The following CRBN variants were observed in gnomAD, a reference collection of about 807,000 sequenced individuals.
CRBN encodes protein cereblon.
A neutral mutation model predicts 62.2 loss-of-function variants in CRBN; 53 were observed. The observed-to-expected ratio is 0.85, with a 90% CI of 0.68 to 1.07. The LOEUF is 1.07. CRBN is among the 50% of genes least tolerant of loss of function. The pLI, the probability that CRBN is intolerant of heterozygous loss-of-function variation, is 0.00. For synonymous variants in CRBN, 208 were observed against 176.1 expected (o/e 1.18, Z -1.43); for missense variants, 616 against 531.1 (o/e 1.16, Z -1.57).
At chr3:3,178,212 T>G (rs1172510178) in intron 1 of CRBN, among the ~76,000 whole-genome samples, 1 of 152,124 alleles carries the variant, frequency 6.6e-6, no homozygotes, top group African/African-American at 2.4e-5. Flanking sequence ...TAGCTCAGCT[T>G]TCCATCAAAG....
At chr3:3,157,664 G>T (rs939406897) in intron 5 of CRBN, among the ~76,000 whole-genome samples, 1 of 152,206 alleles carries the variant, frequency 6.6e-6, no homozygotes, top group East Asian at 1.9e-4. Flanking sequence ...AGGGACTCGG[G>T]ACTGAGCTGA....
chr3:3,171,512 A>C (rs1433360127), intron 4 of CRBN, among the ~76,000 whole-genome samples: 1 of 152,146 alleles, frequency 6.6e-6, no homozygotes, highest in African/African-American at 2.4e-5. Context: ...GGAGACGTAC[A>C]TAAAATCCTG....
chr3:3,173,781 A>C, intron 3 of CRBN: 1 of 455,502 alleles, frequency 2.2e-6, no homozygotes. Flanking sequence ...CTAAGATTCC[A>C]GAAATGTTTT....
At chr3:3,153,772 A>G in intron 8 of CRBN, 188 bp downstream of exon 8, 1 of 629,616 alleles carries the variant, frequency 1.6e-6, no homozygotes, top group Non-Finnish European at 2.9e-6. Flanking sequence ...ATTTTTCACT[A>G]AGTTGATAAA....
At chr3:3,152,427 A>G in intron 10 of CRBN, 29 bp downstream of exon 10, 2 of 1,602,312 alleles carry the variant, frequency 1.2e-6, no homozygotes, top group African/African-American at 1.4e-5. Flanking sequence ...AAAAAAGAAA[A>G]AAAAAAGCAA....
At chr3:3,151,078 A>G in intron 10 of CRBN, 33 bp from the exon 11 acceptor site, 1 of 1,609,368 alleles carries the variant, frequency 6.2e-7, no homozygotes, top group Non-Finnish European at 8.5e-7. Flanking sequence ...CAGCTAAGGA[A>G]ACATTTCTGT....
Position 3,172,801 on chromosome 3 carries a change from G to C in CRBN, c.502C>G (p.Leu168Val). The C allele has an allele frequency of 6.2e-7, 1 of 1,613,982 alleles. No homozygotes were observed. ...CCATCTGACTGTGTTCTTAGCTCAA[G>C]GACTTTGAACCTTTGTCTTCCAATT... ...KAIGRQRFKV[L>V]ELRTQSDGIQ... The change falls in exon 4 of 11, where the codon CTT (leucine) becomes GTT (valine). Residue 168 changes from leucine (L) to valine (V), a missense_variant. Leu to Val is a conservative substitution (Grantham distance 32). Transcript: ENST00000231948.
chr3:3,156,225 A>G lies in CRBN; in HGVS notation c.744T>C (p.Tyr248=), dbSNP rs1401453965. ...TTTAAGGTAAGTTACTTACAGCATC[A>G]TATAAGGAATACAGCCAGCGAGGCC... ...TSWPRWLYSL[Y]DAETLMDRIK... The change falls in exon 6 of 11, where the codon TAT becomes TAC. Residue 248 remains tyrosine (Y), a synonymous_variant. Transcript: ENST00000231948. The G allele has an allele frequency of 6.2e-7, 1 of 1,613,206 alleles. No individual in the cohort carries two copies.
chr3:3,156,367 T>C, intron 5 of CRBN, 86 bp from the exon 6 acceptor site: 1 of 1,264,436 alleles, frequency 7.9e-7, no homozygotes, highest in Non-Finnish European at 1.1e-6. Context: ...AAAATGATTT[T>C]GGCCTAGGAA....
intron 4 of CRBN, among the ~76,000 whole-genome samples, chr3:3,171,716 T>C (rs1351163619): frequency 2.6e-5 from 4 of 152,254 alleles, no homozygotes; most frequent in South Asian, 4.1e-4. Flanking sequence ...ACGCCCACCA[T>C]GTGAACAAAA....
chr3:3,173,862 G>A, intron 3 of CRBN, 197 bp downstream of exon 3: 1 of 612,496 alleles, frequency 1.6e-6, no homozygotes, highest in East Asian at 2.8e-5. Context: ...GTGAAGAGCT[G>A]AGTTAGATGG....
At chr3:3,174,369 A>G in intron 2 of CRBN, 108 bp from the exon 3 acceptor site, 1 of 899,106 alleles carries the variant, frequency 1.1e-6, no homozygotes, top group East Asian at 2.6e-5. Context: ...GGCCGGGCAC[A>G]GTGGCTCACA....
intron 3 of CRBN, 110 bp from the exon 4 acceptor site, chr3:3,173,035 C>T (rs886715049): frequency 2.4e-6 from 2 of 818,022 alleles, no homozygotes; most frequent in African/African-American, 1.7e-5. Context: ...TCAACCCTTA[C>T]TACAAAGCTA....
At chr3:3,155,107 C>A in intron 6 of CRBN, 1 of 456,736 alleles carries the variant, frequency 2.2e-6, no homozygotes, top group South Asian at 2.6e-5. Flanking sequence ...TATGCCCCTG[C>A]TTGGAACTGG....
In CRBN at chr3:3,150,030, T is replaced by TTTAC. The variant is rs77703378; in HGVS notation, c.*831_*834dup. 4.1e-4 allele frequency: 63 copies of TTTAC among 152,300 alleles called. No individual in the cohort carries two copies. Among genetic ancestry groups the TTTAC allele is most frequent in the African/African-American group, 1.4e-3 (58 of 41,576 alleles). The allele number at this position is 152,300 out of a possible 1,614,324, so 9.4% of individuals were successfully genotyped here. ...AACATGTTTAGTTTCACACTTAAGG[T>TTTAC]TTACTTACTTACAGATTTTCTTCAA... is the stretch of plus-strand genomic sequence containing the variant. On this transcript the variant is annotated 3_prime_UTR_variant, in exon 11 of 11. Coordinates refer to ENST00000231948, the MANE Select transcript of CRBN (RefSeq NM_016302.4).
intron 9 of CRBN, chr3:3,152,940 G>A (rs1189848477): frequency 9.5e-6 from 3 of 315,344 alleles, no homozygotes; most frequent in Non-Finnish European, 1.8e-5. Context: ...GTCATTTTGG[G>A]GCAGTTGATT....
chr3:3,160,006 A>G (rs1345233050), intron 5 of CRBN, among the ~76,000 whole-genome samples: 1 of 152,218 alleles, frequency 6.6e-6, no homozygotes, highest in African/African-American at 2.4e-5. Context: ...TAGGCACTTA[A>G]AAGTGACCAA....
chr3:3,175,145 T>G lies in CRBN; in HGVS notation c.174+18A>C. 4.8e-6 allele frequency: 7 copies of G among 1,448,448 alleles called. No homozygotes were observed. The highest frequency in any genetic ancestry group is 6.8e-6 in the Non-Finnish European group (7 of 1,029,536). The allele number at this position is 1,448,448 out of a possible 1,614,324, so 89.7% of individuals were successfully genotyped here. ...AAATGTATATCTATTATATTAGATCTGTCACTAAATTACATACTGTATGTG... is the reference window on the plus strand; with the variant it reads ...AAATGTATATCTATTATATTAGATCGGTCACTAAATTACATACTGTATGTG... On this transcript the variant is annotated intron_variant, in intron 2 of 10. Transcript: ENST00000231948.
At chr3:3,164,771 G>C (rs1707264250) in intron 5 of CRBN, among the ~76,000 whole-genome samples, 1 of 152,072 alleles carries the variant, frequency 6.6e-6, no homozygotes, top group Admixed American at 6.6e-5. Flanking sequence ...TTTCATGCTT[G>C]GTAACAAAAT....
Sources: allele counts gnomAD v4.1 joint callset (sites outside exome capture counted in the v4.1 genomes callset), GRCh38; gene constraint gnomAD v4.1.1; transcripts MANE v1.5; gene names NCBI Gene and HGNC (gene_info 2026-07-23, HGNC 2026-07-21).